RALB: variants seen among roughly 807,000 people sequenced by gnomAD.
The protein encoded by RALB is ras-related protein Ral-B.
Under a neutral mutation model 21.3 loss-of-function variants are expected in RALB, and 16 were observed. The ratio of observed to expected loss-of-function variants is 0.75; its 90% CI spans 0.51 to 1.14. The LOEUF (loss-of-function observed/expected upper bound fraction) is 1.14, where lower values mean the gene tolerates loss of function less well. Among genes scored for constraint, RALB ranks in the 50% most tolerant of loss-of-function variants. The pLI is 0.00. For synonymous variants in RALB, 93 were observed against 96.1 expected (o/e 0.97, Z 0.19); for missense variants, 161 against 256.2 (o/e 0.63, Z 2.54).
chr2:120,265,056 T>C (rs139812747), intron 1 of RALB, among the ~76,000 whole-genome samples: 8 of 152,376 alleles, frequency 5.3e-5, no homozygotes, highest in African/African-American at 9.6e-5. Context: ...GATGTGAACA[T>C]GGGTGTATAA....
intron 1 of RALB, among the ~76,000 whole-genome samples, chr2:120,261,918 T>C (rs1689375780): frequency 6.6e-6 from 1 of 152,138 alleles, no homozygotes; most frequent in Non-Finnish European, 1.5e-5. Flanking sequence ...GATAACTGTT[T>C]CTGGTGACGG....
At chr2:120,271,391 C>T (rs903750833) in intron 1 of RALB, among the ~76,000 whole-genome samples, 2 of 152,210 alleles carry the variant, frequency 1.3e-5, no homozygotes, top group African/African-American at 4.8e-5. Context: ...GCCCCACTTT[C>T]CCGACAAGTC....
At chr2:120,291,501 TG>T (rs1018842555) in intron 4 of RALB, among the ~76,000 whole-genome samples, 1 of 152,156 alleles carries the variant, frequency 6.6e-6, no homozygotes, top group Admixed American at 6.5e-5. Flanking sequence ...GGTTGTCGCG[TG>T]GGGGGTCTGT....
At chr2:120,266,823 G>A (rs112447826) in intron 1 of RALB, among the ~76,000 whole-genome samples, 20 of 152,134 alleles carry the variant, frequency 1.3e-4, no homozygotes, top group African/African-American at 4.3e-4. Flanking sequence ...AATATTGAGC[G>A]TCCACCAAGT....
intron 3 of RALB, among the ~76,000 whole-genome samples, chr2:120,288,789 A>AT (rs1358075792): frequency 1.3e-5 from 2 of 151,962 alleles, no homozygotes; most frequent in South Asian, 2.1e-4. Flanking sequence ...ATTTCCTTTC[A>AT]TTTTTTTCAC....
chr2:120,263,457 C>A (rs1234636729), intron 1 of RALB, among the ~76,000 whole-genome samples: 7 of 152,250 alleles, frequency 4.6e-5, no homozygotes, highest in Admixed American at 4.6e-4. Context: ...TGTGCCCAGG[C>A]TAGAATGATA....
intron 3 of RALB, among the ~76,000 whole-genome samples, chr2:120,286,563 A>T (rs1486514517): frequency 6.6e-6 from 1 of 152,202 alleles, no homozygotes; most frequent in Non-Finnish European, 1.5e-5. Context: ...CAGTGGAGGG[A>T]CGAGAACGCG....
upstream of RALB, among the ~76,000 whole-genome samples, chr2:120,251,848 C>T (rs899819043): frequency 1.4e-4 from 22 of 152,200 alleles, no homozygotes; most frequent in Non-Finnish European, 2.8e-4. Context: ...GGTAAAGCTT[C>T]TGTGCTTTTT....
upstream of RALB, among the ~76,000 whole-genome samples, chr2:120,251,266 C>T (rs553315302): frequency 7.2e-5 from 11 of 152,240 alleles, no homozygotes; most frequent in East Asian, 3.9e-4. Flanking sequence ...AGGCTGCACG[C>T]GGTCACACTT....
At chr2:120,275,769 G>A (rs1689777826) in intron 1 of RALB, among the ~76,000 whole-genome samples, 1 of 152,198 alleles carries the variant, frequency 6.6e-6, no homozygotes, top group South Asian at 2.1e-4. Context: ...GTTGTCTGGA[G>A]TGACATCCAG....
chr2:120,281,820 G>T (rs559011507), intron 2 of RALB, among the ~76,000 whole-genome samples: 1 of 152,256 alleles, frequency 6.6e-6, no homozygotes, highest in East Asian at 1.9e-4. Flanking sequence ...GGAAGAGAGG[G>T]GGTGGTGAGT....
intron 4 of RALB, among the ~76,000 whole-genome samples, chr2:120,290,435 G>A (rs72958710): frequency 0.021 from 3,270 of 152,256 alleles, 127 homozygotes; most frequent in African/African-American, 0.074. Context: ...CAGGGTGGGC[G>A]GGCCTGGCTG....
chr2:120,271,136 T>C (rs752804829), intron 1 of RALB, among the ~76,000 whole-genome samples: 3 of 152,206 alleles, frequency 2.0e-5, no homozygotes, highest in Non-Finnish European at 4.4e-5. Context: ...TACCAACGCA[T>C]TTCCTCTTTG....
intron 2 of RALB, 104 bp downstream of exon 2, chr2:120,278,882 G>A: frequency 8.9e-7 from 1 of 1,120,034 alleles, no homozygotes; most frequent in Non-Finnish European, 1.2e-6. Flanking sequence ...GGGGTTCACG[G>A]AGCAAGTCTG....
chr2:120,254,010 G>A (rs1355171367), intron 1 of RALB, among the ~76,000 whole-genome samples: 2 of 152,146 alleles, frequency 1.3e-5, no homozygotes, highest in African/African-American at 4.8e-5. Context: ...TCAAAGCTCA[G>A]AACCGGTCAA....
intron 2 of RALB, among the ~76,000 whole-genome samples, chr2:120,280,534 A>C (rs1689962596): frequency 9.6e-6 from 1 of 104,188 alleles, no homozygotes; most frequent in Non-Finnish European, 1.8e-5. Flanking sequence ...GGAACATCAC[A>C]TGCTGGGGCC....
intron 1 of RALB, among the ~76,000 whole-genome samples, chr2:120,257,457 G>A (rs534390293): frequency 1.3e-5 from 2 of 152,282 alleles, no homozygotes; most frequent in African/African-American, 4.8e-5. Flanking sequence ...CTGAGCCTGA[G>A]CCTGGCTAAA....
At chr2:120,260,533 G>C (rs1179233907) in intron 1 of RALB, among the ~76,000 whole-genome samples, 1 of 152,252 alleles carries the variant, frequency 6.6e-6, no homozygotes, top group Non-Finnish European at 1.5e-5. Context: ...GCTGTATGTG[G>C]TGCAGATGAG....
intron 1 of RALB, 31 bp downstream of exon 1, chr2:120,253,011 G>A: frequency 1.0e-6 from 1 of 982,740 alleles, no homozygotes; most frequent in Non-Finnish European, 1.2e-6. Context: ...GGCCCCGGGC[G>A]GGGTGGGGCG....
Sources: allele counts gnomAD v4.1 joint callset (sites outside exome capture counted in the v4.1 genomes callset), GRCh38; gene constraint gnomAD v4.1.1; transcripts MANE v1.5; gene names NCBI Gene and HGNC (gene_info 2026-07-23, HGNC 2026-07-21).